The following EFNA2 variants were observed in gnomAD, a reference collection of about 807,000 sequenced individuals.
EFNA2 encodes the protein ephrin-A2.
Under a neutral mutation model 19.7 loss-of-function variants are expected in EFNA2, and 18 were observed. The ratio of observed to expected loss-of-function variants is 0.91; its 90% CI spans 0.63 to 1.35. EFNA2 has a LOEUF of 1.35. Among genes scored for constraint, EFNA2 ranks in the 40% most tolerant of loss-of-function variants. EFNA2 has a pLI of 0.00. For synonymous variants in EFNA2, 187 were observed against 137.8 expected (o/e 1.36, Z -2.50); for missense variants, 303 against 296.0 (o/e 1.02, Z -0.17).
At chr19:1,292,268 GC>G (rs1555758683) in intron 1 of EFNA2, among the ~76,000 whole-genome samples, 1 of 152,238 alleles carries the variant, frequency 6.6e-6, no homozygotes, top group Non-Finnish European at 1.5e-5. Flanking sequence ...TTTTAGAGAC[GC>G]AAAGGGAAAA....
In EFNA2 at chr19:1,297,171, A is replaced by T. The variant is rs1353233283; in HGVS notation, c.454+1313A>T. ...GCATCTCGGGGCCTGAGGGATGGGGAGTCAGGGATCTGGGGTCTGTGCCCC... is the reference window on the plus strand; with the variant it reads ...GCATCTCGGGGCCTGAGGGATGGGGTGTCAGGGATCTGGGGTCTGTGCCCC... On this transcript the variant is annotated intron_variant, in intron 2 of 3. Transcript: ENST00000215368. This position sits in a 1 kb window ranked among gnomAD's most constrained non-coding sequence, Gnocchi z 5.0. Among the ~76,000 whole-genome samples, 1 of 151,876 alleles carries T rather than the reference A, an allele frequency of 6.6e-6. No homozygotes were observed.
At chr19:1,288,352 C>T (rs993686367) in intron 1 of EFNA2, among the ~76,000 whole-genome samples, 35 of 152,260 alleles carry the variant, frequency 2.3e-4, no homozygotes, top group African/African-American at 7.2e-4. Flanking sequence ...GGTGCTGGGC[C>T]TCCGTATCCA....
At position 1,298,477 on chromosome 19, in the gene EFNA2, A is replaced by G. The variant is rs2081525794; in HGVS notation, c.455-74A>G. ...TCAGGGTTGATTCACCAAGGTGGGG[A>G]AGGGAGTACAGCCCCAGGAGGTCTC... On this transcript the variant is annotated intron_variant, in intron 2 of 3. Transcript: ENST00000215368. 3.3e-6 allele frequency: 5 copies of G among 1,502,230 alleles called. No homozygotes were observed. The Admixed American group carries it at 7.1e-5, about 21-fold the overall frequency. The allele number at this position is 1,502,230 out of a possible 1,614,324, so 93.1% of individuals were successfully genotyped here.
chr19:1,295,806 G>A lies in EFNA2; in HGVS notation c.402G>A (p.Thr134=), dbSNP rs771402440. 1 of 1,608,124 alleles carries A rather than the reference G, an allele frequency of 6.2e-7. No individual in the cohort carries two copies. The highest frequency in any genetic ancestry group is 1.3e-5 in the African/African-American group (1 of 74,428). Residue 134 remains threonine, a synonymous_variant, in exon 2 of 4, where the codon ACG becomes ACA. Transcript: ENST00000215368. This position sits in a 1 kb window ranked among gnomAD's most constrained non-coding sequence, Gnocchi z 5.8. Reference sequence around the variant, plus strand: ...TCTCGGAGAAGTTCCAGCTCTTCACGCCCTTCTCCCTGGGCTTCGAGTTCC... The same window carrying A: ...TCTCGGAGAAGTTCCAGCTCTTCACACCCTTCTCCCTGGGCTTCGAGTTCC... ...LKFSEKFQLF[T]PFSLGFEFRP...
chr19:1,291,757 C>A (rs956471476), intron 1 of EFNA2, among the ~76,000 whole-genome samples: 1 of 152,178 alleles, frequency 6.6e-6, no homozygotes, highest in Non-Finnish European at 1.5e-5. Context: ...TAGCTATTAG[C>A]GTCTAATAAC....
chr19:1,285,451 G>T (rs1244898899), upstream of EFNA2, among the ~76,000 whole-genome samples: 3 of 152,228 alleles, frequency 2.0e-5, no homozygotes, highest in African/African-American at 7.2e-5. The surrounding 1 kb of genome is among the most constrained non-coding windows in gnomAD (Gnocchi z 4.1). Context: ...CGCAGCCCGA[G>T]CAGCTTTGGA....
intron 1 of EFNA2, among the ~76,000 whole-genome samples, chr19:1,292,142 T>TGGGGTGGGGGCCCCCTCCC (rs1379397769): frequency 1.3e-5 from 2 of 152,222 alleles, no homozygotes; most frequent in Non-Finnish European, 2.9e-5. Context: ...GGTGCGGTTT[T>TGGGGTGGGGGCCCCCTCCC]GGGGTGGGGG....
At position 1,297,701 on chromosome 19, in the gene EFNA2, A is replaced by G. The variant is rs1465694559; in HGVS notation, c.455-850A>G. 4.0e-5 allele frequency among the ~76,000 whole-genome samples: 6 copies of G among 151,860 alleles called. No individual in the cohort carries two copies. Among genetic ancestry groups the G allele is most frequent in the South Asian group, 2.1e-4 (1 of 4,830 alleles). On this transcript the variant is annotated intron_variant, in intron 2 of 3. Transcript: ENST00000215368. This position sits in a 1 kb window ranked among gnomAD's most constrained non-coding sequence, Gnocchi z 5.0. The stretch of plus-strand genomic sequence containing the variant: ...TGATCCTTGCAGACGCCCCCACTGC[A>G]CTCCAGGATGCTTCTGGGGGCCCGA...
In EFNA2 at chr19:1,295,330, G is replaced by A. The variant is rs1367396242; in HGVS notation, c.141-215G>A. On this transcript the variant is annotated intron_variant, in intron 1 of 3. Transcript: ENST00000215368. This position sits in a 1 kb window ranked among gnomAD's most constrained non-coding sequence, Gnocchi z 5.8. Reference sequence around the variant, plus strand: ...CCTGTCCCCGGAGCCATCTCTCCCCGCGCACACTGACCCGTGCCCCATGCA... The same window carrying A: ...CCTGTCCCCGGAGCCATCTCTCCCCACGCACACTGACCCGTGCCCCATGCA... 7.6e-6 allele frequency among the ~76,000 whole-genome samples: 1 copy of A among 131,598 alleles called. No homozygotes were observed. Among genetic ancestry groups the A allele is most frequent in the East Asian group, 2.3e-4 (1 of 4,414 alleles). The allele number at this position is 131,598 out of a possible 152,430, so 86.3% of individuals were successfully genotyped here. A position where few individuals can be genotyped will look rare whatever the true frequency, so the allele number is the denominator to read the frequency against.
chr19:1,290,884 CTG>C (rs2081488300), intron 1 of EFNA2, among the ~76,000 whole-genome samples: 1 of 152,232 alleles, frequency 6.6e-6, no homozygotes, highest in Non-Finnish European at 1.5e-5. Context: ...CGTTTGAACT[CTG>C]TGGCCGAGTC....
chr19:1,298,456 G>T (rs1162504336), intron 2 of EFNA2, 95 bp from the exon 3 acceptor site: 1 of 1,312,250 alleles, frequency 7.6e-7, no homozygotes, highest in African/African-American at 1.5e-5. Flanking sequence ...CTGGGGTCAG[G>T]GTTGATTCAC....
chr19:1,295,907 C>T lies in EFNA2; in HGVS notation c.454+49C>T, dbSNP rs1214889995. 2.4e-6 allele frequency: 1 copy of T among 422,532 alleles called. No individual in the cohort carries two copies. Among genetic ancestry groups the T allele is most frequent in the South Asian group, 2.7e-5 (1 of 37,106 alleles). 26.2% of individuals were successfully genotyped at this position (422,532 alleles called of 1,614,324 possible). A position where few individuals can be genotyped will look rare whatever the true frequency, so the allele number is the denominator to read the frequency against. The stretch of plus-strand genomic sequence containing the variant: ...GCCGGGGCCCGAGTGGGCGGGGACG[C>T]GGGGGCGGGGCCAGGAAGTGGGCGG... On this transcript the variant is annotated intron_variant, in intron 2 of 3. Transcript: ENST00000215368. This position sits in a 1 kb window ranked among gnomAD's most constrained non-coding sequence, Gnocchi z 5.8.
Position 1,299,829 on chromosome 19 carries a change from A to C in EFNA2, c.526A>C (p.Thr176Pro), listed in dbSNP as rs1600062845. Residue 176 changes from threonine (T) to proline (P), a missense_variant, in exon 4 of 4, where the codon ACC becomes CCC. By Grantham distance (38) the Thr-to-Pro change is conservative. Coordinates refer to ENST00000215368, the MANE Select transcript of EFNA2 (RefSeq NM_001405.4). ...GCTGTCTCTGCCACCCGCAGACGAG[A>C]CCCTGTACGAGGCTCCTGAGCCCAT... is the stretch of plus-strand genomic sequence containing the variant. ...LKVYVRPTNE[T>P]LYEAPEPIFT... is the part of the protein sequence containing the mutation. The C allele has an allele frequency of 6.2e-7, 1 of 1,600,904 alleles. No homozygotes were observed.
intron 1 of EFNA2, among the ~76,000 whole-genome samples, chr19:1,292,759 A>G (rs911610869): frequency 1.3e-5 from 2 of 152,180 alleles, no homozygotes; most frequent in Admixed American, 1.3e-4. Context: ...CCAACGTGTT[A>G]CAGGGTCTGT....
intron 1 of EFNA2, among the ~76,000 whole-genome samples, chr19:1,293,266 G>T (rs2081499513): frequency 6.6e-6 from 1 of 152,220 alleles, no homozygotes; most frequent in Non-Finnish European, 1.5e-5. Context: ...GGCTGGGCAG[G>T]AACGAAAATG....
chr19:1,285,354 C>T (rs764340030), upstream of EFNA2, among the ~76,000 whole-genome samples: 2 of 152,196 alleles, frequency 1.3e-5, no homozygotes, highest in Admixed American at 6.5e-5. This position sits in a 1 kb window ranked among gnomAD's most constrained non-coding sequence, Gnocchi z 4.1. Context: ...TCCCGGCACC[C>T]TTAGGGCTGA....
chr19:1,300,071 T>A lies in EFNA2; in HGVS notation c.*126T>A. The A allele has an allele frequency of 7.6e-7, 1 of 1,318,172 alleles. No individual in the cohort carries two copies. The allele number at this position is 1,318,172 out of a possible 1,614,324, so 81.7% of individuals were successfully genotyped here. On this transcript the variant is annotated 3_prime_UTR_variant, in exon 4 of 4. Transcript: ENST00000215368. ...ATAGAGACGCTGCTTCTCCCTCGCCTGGTGCCGCCCCCGCCGGGCAGGGGC... is the reference window on the plus strand; with the variant it reads ...ATAGAGACGCTGCTTCTCCCTCGCCAGGTGCCGCCCCCGCCGGGCAGGGGC...
chr19:1,300,372 G>C lies in EFNA2; in HGVS notation c.*427G>C, dbSNP rs563629599. On this transcript the variant is annotated 3_prime_UTR_variant, in exon 4 of 4. Transcript: ENST00000215368. The stretch of plus-strand genomic sequence containing the variant: ...GGGCGGGGTCCCTGTGCCCTGGCCT[G>C]GGGGAGGGGAACGCGGAACATGGGG... 1 of 159,160 alleles carries C rather than the reference G, an allele frequency of 6.3e-6. No individual in the cohort carries two copies. Among genetic ancestry groups the C allele is most frequent in the African/African-American group, 2.4e-5 (1 of 41,226 alleles). 9.9% of individuals were successfully genotyped at this position (159,160 alleles called of 1,614,324 possible). A position where few individuals can be genotyped will look rare whatever the true frequency, so the allele number is the denominator to read the frequency against.
intron 1 of EFNA2, among the ~76,000 whole-genome samples, chr19:1,288,273 T>G (rs543603548): frequency 6.6e-6 from 1 of 152,198 alleles, no homozygotes; most frequent in Non-Finnish European, 1.5e-5. Flanking sequence ...AGTTCTCAGA[T>G]TTGGTGTCCA....
Sources: gnomAD v4.1 joint callset for allele counts (sites outside exome capture counted in the v4.1 genomes callset) on GRCh38, gnomAD v4.1.1 for gene constraint, Gnocchi (gnomAD v3.1) non-coding constraint, MANE v1.5 for transcripts, NCBI Gene and HGNC (gene_info 2026-07-23, HGNC 2026-07-21) for gene names.